MTRF1: variants seen among roughly 807,000 people sequenced by gnomAD.
MTRF1 encodes the protein mitochondrial translation release factor 1, also known as peptide chain release factor 1, mitochondrial.
MTRF1 carries 51 observed loss-of-function variants against 62.9 expected under a neutral mutation model. The ratio of observed to expected loss-of-function variants is 0.81; its 90% CI spans 0.65 to 1.02. MTRF1 has a LOEUF of 1.02. Ranked by LOEUF, MTRF1 falls within the 50% of genes least tolerant of loss-of-function variation. The pLI is 0.00. For synonymous variants in MTRF1, 158 were observed against 181.9 expected, an observed-to-expected ratio of 0.87 and a Z score of 1.06; for missense variants, 446 against 530.0, an observed-to-expected ratio of 0.84 and a Z score of 1.56.
chr13:41,261,439 C>G (rs1431198414), intron 1 of MTRF1: 2 of 152,600 alleles, frequency 1.3e-5, no homozygotes, highest in African/African-American at 4.8e-5. Flanking sequence ...ACCTGTTCAA[C>G]ATATATAATT....
At chr13:41,270,707 A>G in the MTRF1 span, among the ~76,000 whole-genome samples, 1 of 151,820 alleles carries the variant, frequency 6.6e-6, no homozygotes, top group East Asian at 1.9e-4. Context: ...AAAACTATAT[A>G]AATTATAAAG....
chr13:41,251,882 G>A lies in MTRF1; in HGVS notation c.697+763C>T, dbSNP rs558511464. ...AAGAACTGCACTGTTTGTCTATGTT[G>A]TATCATTTTTTTTTTTTGAGACAGT... On this transcript the variant is annotated intron_variant, in intron 5 of 9. Coordinates refer to ENST00000379480, the MANE Select transcript of MTRF1 (RefSeq NM_004294.4). Among the ~76,000 whole-genome samples, 8 of 151,994 alleles carry A rather than the reference G, an allele frequency of 5.3e-5. No homozygotes were observed. The South Asian group carries it at 6.2e-4, about 12-fold the overall frequency.
the MTRF1 span, among the ~76,000 whole-genome samples, chr13:41,279,729 G>T: frequency 9.2e-5 from 14 of 152,184 alleles, no homozygotes; most frequent in Non-Finnish European, 2.9e-5. Context: ...CCTTGAAATT[G>T]CCCTGCAAGG....
Position 41,260,826 on chromosome 13 carries a change from G to A in MTRF1, c.82C>T (p.His28Tyr), listed in dbSNP as rs779146673. The change falls in exon 2 of 10, where the codon CAT (histidine) becomes TAT (tyrosine). Residue 28 changes from histidine to tyrosine, a missense_variant. Coordinates refer to ENST00000379480, the MANE Select transcript of MTRF1 (RefSeq NM_004294.4). ...YLQCHIQLHS[H>Y]QFRQIHLDTR... is the part of the protein sequence containing the mutation. Reference sequence around the variant, plus strand: ...TCAAGATGTATCTGTCTAAATTGATGAGAATGGAGCTGGATGTGACACTGG... The same window carrying A: ...TCAAGATGTATCTGTCTAAATTGATAAGAATGGAGCTGGATGTGACACTGG... 13 of 1,614,014 alleles carry A rather than the reference G, an allele frequency of 8.1e-6. No individual in the cohort carries two copies. In the African/African-American group the frequency reaches 1.7e-4, roughly 22 times the overall value.
the MTRF1 span, among the ~76,000 whole-genome samples, chr13:41,297,701 G>T: frequency 6.6e-6 from 1 of 151,730 alleles, no homozygotes; most frequent in Non-Finnish European, 1.5e-5. Context: ...TCAGCGTCCC[G>T]AGTGGCTGGG....
In MTRF1 at chr13:41,260,628, G is replaced by T. The variant is rs868188049; in HGVS notation, c.280C>A (p.Gln94Lys). Reference protein sequence around the residue: ...KEYQTLEQCLQHIPVNEENRR... With the variant: ...KEYQTLEQCLKHIPVNEENRR... ...TTTTCCTCATTCACAGGGATATGCT[G>T]CAGACATTGCTCAAGTGTTTGGTAC... The change falls in exon 2 of 10, where the codon CAG becomes AAG. Residue 94 changes from glutamine (Q) to lysine (K), a missense_variant. Coordinates refer to ENST00000379480, the MANE Select transcript of MTRF1 (RefSeq NM_004294.4). The T allele has an allele frequency of 5.0e-6, 8 of 1,614,040 alleles. No individual in the cohort carries two copies. In the African/African-American group the frequency reaches 6.7e-5, roughly 13 times the overall value.
chr13:41,293,683 A>T, the MTRF1 span, among the ~76,000 whole-genome samples: 1 of 152,216 alleles, frequency 6.6e-6, no homozygotes, highest in African/African-American at 2.4e-5. Flanking sequence ...TGATACCATG[A>T]CTAACTTTGT....
At chr13:41,226,308 C>T (rs2034419070) in intron 8 of MTRF1, 124 bp downstream of exon 8, 2 of 1,007,214 alleles carry the variant, frequency 2.0e-6, no homozygotes, top group South Asian at 3.3e-5. Flanking sequence ...TGCTTATTTA[C>T]AAAGGAGCAC....
the MTRF1 span, among the ~76,000 whole-genome samples, chr13:41,270,991 G>A: frequency 6.6e-6 from 1 of 151,326 alleles, no homozygotes; most frequent in East Asian, 1.9e-4. Flanking sequence ...CACCCGCTTT[G>A]GCCTCCCAAA....
At chr13:41,275,864 T>C in the MTRF1 span, among the ~76,000 whole-genome samples, 1 of 152,188 alleles carries the variant, frequency 6.6e-6, no homozygotes, top group South Asian at 2.1e-4. Context: ...AAGAGCATAT[T>C]TATGTCAAAT....
chr13:41,247,471 AGCT>A (rs1457393610), intron 5 of MTRF1, among the ~76,000 whole-genome samples: 21 of 152,192 alleles, frequency 1.4e-4, no homozygotes, highest in African/African-American at 4.3e-4. Flanking sequence ...CTGGTATAGC[AGCT>A]GCAATTGGAT....
the MTRF1 span, among the ~76,000 whole-genome samples, chr13:41,284,214 G>A: frequency 2.0e-5 from 3 of 151,544 alleles, no homozygotes; most frequent in Non-Finnish European, 4.4e-5. Flanking sequence ...GGCCTAGCAC[G>A]GTGGCTCATG....
intron 5 of MTRF1, among the ~76,000 whole-genome samples, chr13:41,246,940 G>A (rs185148999): frequency 2.0e-5 from 3 of 152,280 alleles, no homozygotes; most frequent in East Asian, 1.9e-4. Context: ...TTAGTTCCAC[G>A]CTTTGGTTTC....
the MTRF1 span, among the ~76,000 whole-genome samples, chr13:41,295,786 T>A: frequency 6.6e-6 from 1 of 152,158 alleles, no homozygotes; most frequent in East Asian, 1.9e-4. Flanking sequence ...TGTTTTCATT[T>A]TTGTTTTTGT....
chr13:41,301,141 G>A, the MTRF1 span, among the ~76,000 whole-genome samples: 1 of 152,182 alleles, frequency 6.6e-6, no homozygotes. Flanking sequence ...GAAGAGAAAG[G>A]AGAGATAGGA....
At chr13:41,228,548 A>G (rs1826231571) in intron 7 of MTRF1, among the ~76,000 whole-genome samples, 1 of 152,234 alleles carries the variant, frequency 6.6e-6, no homozygotes, top group African/African-American at 2.4e-5. Flanking sequence ...TAGCCTGGAC[A>G]ACAGAGCAAG....
At chr13:41,260,952 ATCTCT>A in intron 1 of MTRF1, 37 bp from the exon 2 acceptor site, 1 of 1,498,958 alleles carries the variant, frequency 6.7e-7, no homozygotes, top group Non-Finnish European at 8.9e-7. Context: ...AAAAAAAATC[ATCTCT>A]AAAGATACAT....
intron 2 of MTRF1, among the ~76,000 whole-genome samples, chr13:41,258,021 C>A (rs953900021): frequency 6.6e-6 from 1 of 152,144 alleles, no homozygotes; most frequent in Non-Finnish European, 1.5e-5. Context: ...CATGATACAA[C>A]CAAGGCTGAA....
chr13:41,266,768 G>A (rs2040843846), upstream of MTRF1, among the ~76,000 whole-genome samples: 1 of 151,992 alleles, frequency 6.6e-6, no homozygotes, highest in South Asian at 2.1e-4. Context: ...CGAGGTGGGT[G>A]GATCACGAGG....
Sources: gnomAD v4.1 joint callset for allele counts (sites outside exome capture counted in the v4.1 genomes callset) on GRCh38, gnomAD v4.1.1 for gene constraint, MANE v1.5 for transcripts, NCBI Gene and HGNC (gene_info 2026-07-23, HGNC 2026-07-21) for gene names.